ANKRD27: variants seen among roughly 807,000 people sequenced by gnomAD.
The protein encoded by ANKRD27 is ankyrin repeat domain 27.
In ANKRD27, 112 loss-of-function variants were observed where a neutral mutation model predicts 129.7. The observed-to-expected ratio is 0.86, with a 90% CI of 0.74 to 1.01. The LOEUF (loss-of-function observed/expected upper bound fraction) is 1.01, where lower values mean the gene tolerates loss of function less well. Among genes scored for constraint, ANKRD27 ranks in the 50% least tolerant of loss-of-function variants. The probability of loss-of-function intolerance (pLI) is 0.00; values close to 1 mark genes in which losing one functional copy is unlikely to be tolerated. For synonymous variants in ANKRD27, 516 were observed against 511.2 expected, an observed-to-expected ratio of 1.01 and a Z score of -0.13; for missense variants, 1,258 against 1,300.5, an observed-to-expected ratio of 0.97 and a Z score of 0.50.
chr19:32,631,927 T>C (rs1186539159), intron 12 of ANKRD27, among the ~76,000 whole-genome samples: 1 of 152,220 alleles, frequency 6.6e-6, no homozygotes, highest in African/African-American at 2.4e-5. Context: ...CACAAGCTGG[T>C]CTCAATTTCC....
intron 1 of ANKRD27, among the ~76,000 whole-genome samples, chr19:32,661,028 T>C (rs1222925949): frequency 6.6e-6 from 1 of 151,128 alleles, no homozygotes; most frequent in Non-Finnish European, 1.5e-5. Context: ...CGAGACCCCA[T>C]CTCTACAAAA....
chr19:32,627,908 G>A (rs748528274), intron 15 of ANKRD27, among the ~76,000 whole-genome samples, 175 bp downstream of exon 15: 1 of 152,206 alleles, frequency 6.6e-6, no homozygotes, highest in South Asian at 2.1e-4. Flanking sequence ...GGTGGCCGTC[G>A]AGGCCTGTGG....
chr19:32,644,244 C>G, intron 5 of ANKRD27, 81 bp downstream of exon 5: 4 of 1,481,282 alleles, frequency 2.7e-6, no homozygotes, highest in Non-Finnish European at 3.7e-6. Context: ...CCAGGCAGTT[C>G]CAGAGGAAAC....
In ANKRD27 at chr19:32,599,963, C is replaced by T. The variant is rs1351792243; in HGVS notation, c.2846+9G>A. On this transcript the variant is annotated intron_variant, in intron 27 of 28. Coordinates refer to ENST00000306065, the MANE Select transcript of ANKRD27 (RefSeq NM_032139.3). ...AAAGCACAGAAATCAACTTGAGTTT[C>T]ATACTCACTTAAACTGACCAGCTGA... is the stretch of plus-strand genomic sequence containing the variant. 2.5e-6 allele frequency: 4 copies of T among 1,607,542 alleles called. No homozygotes were observed. In the Admixed American group the frequency reaches 5.0e-5, roughly 20 times the overall value.
At chr19:32,673,522 C>T (rs970191024) in intron 1 of ANKRD27, 27 of 877,170 alleles carry the variant, frequency 3.1e-5, no homozygotes, top group Non-Finnish European at 3.4e-5. Flanking sequence ...GCACATCTGG[C>T]CTCTGGCCAC....
chr19:32,609,643 A>T lies in ANKRD27; in HGVS notation c.2176-1811T>A, dbSNP rs1045438904. On this transcript the variant is annotated intron_variant, in intron 22 of 28. Transcript: ENST00000306065. ...AAAAGCAGGTCACGGGTTGCCTGGG[A>T]GAGGCGATGGGGGAATGGGGGGGTC... is the stretch of plus-strand genomic sequence containing the variant. Among the ~76,000 whole-genome samples, 5 of 134,240 alleles carry T rather than the reference A, an allele frequency of 3.7e-5. 1 individual carries two copies. Among genetic ancestry groups the T allele is most frequent in the African/African-American group, 1.3e-4 (5 of 37,170 alleles). 88.1% of individuals were successfully genotyped at this position (134,240 alleles called of 152,430 possible).
chr19:32,613,338 T>C (rs398990), intron 22 of ANKRD27, among the ~76,000 whole-genome samples: 88,873 of 152,018 alleles, frequency 0.58, 27,094 homozygotes, highest in Non-Finnish European at 0.69. Flanking sequence ...GCATGTAAAA[T>C]GATACAGCCT....
chr19:32,607,053 T>G (rs1241904047), intron 23 of ANKRD27, among the ~76,000 whole-genome samples: 1 of 148,496 alleles, frequency 6.7e-6, no homozygotes, highest in Non-Finnish European at 1.5e-5. Flanking sequence ...GAGGATTGTT[T>G]GAGCCCAGGA....
At chr19:32,639,060 A>C (rs768144202) in intron 12 of ANKRD27, 52 of 451,560 alleles carry the variant, frequency 1.2e-4, no homozygotes, top group Non-Finnish European at 1.9e-4. Flanking sequence ...CAAGAAATCC[A>C]AATTCCCTAC....
At chr19:32,617,505 CCA>C in intron 21 of ANKRD27, 82 bp downstream of exon 21, 1 of 655,420 alleles carries the variant, frequency 1.5e-6, no homozygotes, top group East Asian at 2.7e-5. Flanking sequence ...CATGATCACG[CCA>C]CTGCACTCCA....
At chr19:32,662,311 CAAAAAA>C (rs34066529) in intron 1 of ANKRD27, among the ~76,000 whole-genome samples, 17 of 38,008 alleles carry the variant, frequency 4.5e-4, no homozygotes, top group African/African-American at 8.9e-4. Context: ...ACTCAGTCTC[CAAAAAA>C]AAAAAAAAAA....
intron 12 of ANKRD27, among the ~76,000 whole-genome samples, chr19:32,632,725 G>A (rs978021007): frequency 6.6e-6 from 1 of 152,130 alleles, no homozygotes; most frequent in African/African-American, 2.4e-5. Flanking sequence ...CCTGAAAAGG[G>A]TCTTGGTGGG....
chr19:32,604,001 C>T (rs1971690859), intron 25 of ANKRD27, among the ~76,000 whole-genome samples: 1 of 143,106 alleles, frequency 7.0e-6, no homozygotes, highest in Non-Finnish European at 1.5e-5. Flanking sequence ...CTACTGCTAG[C>T]TGAGGGGGGG....
chr19:32,629,235 A>C (rs1385097674), intron 13 of ANKRD27, among the ~76,000 whole-genome samples: 1 of 152,146 alleles, frequency 6.6e-6, no homozygotes, highest in Non-Finnish European at 1.5e-5. Flanking sequence ...GTCCTTTTAG[A>C]AATGCTCATC....
intron 12 of ANKRD27, among the ~76,000 whole-genome samples, chr19:32,634,655 C>A (rs1368745106): frequency 6.6e-6 from 1 of 152,216 alleles, no homozygotes; most frequent in Non-Finnish European, 1.5e-5. Context: ...GTGGCTGGTA[C>A]CTGTAATCCC....
At position 32,642,135 on chromosome 19, in the gene ANKRD27, G is replaced by A. The variant is rs765422732; in HGVS notation, c.793C>T (p.Pro265Ser). 1.2e-5 allele frequency: 19 copies of A among 1,603,564 alleles called. No homozygotes were observed. The highest frequency in any genetic ancestry group is 9.0e-5 in the East Asian group (4 of 44,626). ...GVKPEFSFNI[P>S]RAKRELAQLN... ...TGAGCCAGCTCTCTTTTGGCACGAG[G>A]TATGTTAAAGCTGTAAAATAATTTG... The change falls in exon 10 of 29, where the codon CCT (proline) becomes TCT (serine). Residue 265 changes from proline (P) to serine (S), a missense_variant. Transcript: ENST00000306065.
chr19:32,629,306 T>C (rs542221547), intron 13 of ANKRD27, among the ~76,000 whole-genome samples: 1 of 152,272 alleles, frequency 6.6e-6, no homozygotes, highest in East Asian at 1.9e-4. Flanking sequence ...ATCTTGGTGG[T>C]AGGGAAAGTA....
intron 8 of ANKRD27, 27 bp from the exon 9 acceptor site, chr19:32,643,226 A>C (rs746777361): frequency 6.2e-7 from 1 of 1,614,102 alleles, no homozygotes; most frequent in Non-Finnish European, 8.5e-7. Flanking sequence ...ACGAACCTTC[A>C]AATTTCTCAA....
chr19:32,650,369 T>C (rs1052079919), intron 2 of ANKRD27, among the ~76,000 whole-genome samples: 2 of 152,090 alleles, frequency 1.3e-5, no homozygotes, highest in African/African-American at 2.4e-5. Context: ...CTGGCCAACA[T>C]GGCAAAACCC....
Sources: gnomAD v4.1 joint callset for allele counts (sites outside exome capture counted in the v4.1 genomes callset) on GRCh38, gnomAD v4.1.1 for gene constraint, MANE v1.5 for transcripts, NCBI Gene and HGNC (gene_info 2026-07-23, HGNC 2026-07-21) for gene names.